The following ARHGEF38 variants were observed in gnomAD, a reference collection of about 807,000 sequenced individuals.
ARHGEF38 encodes the protein Rho guanine nucleotide exchange factor 38.
In ARHGEF38, 79 loss-of-function variants were observed where a neutral mutation model predicts 79.9. The observed-to-expected ratio is 0.99, with a 90% CI of 0.82 to 1.19. ARHGEF38 has a LOEUF of 1.19. Among genes scored for constraint, ARHGEF38 ranks in the 50% most tolerant of loss-of-function variants. The pLI, the probability that ARHGEF38 is intolerant of heterozygous loss-of-function variation, is 0.00. For missense variants in ARHGEF38, 962 were observed against 907.2 expected, an observed-to-expected ratio of 1.06 and a Z score of -0.78; for synonymous variants, 366 against 328.3, an observed-to-expected ratio of 1.11 and a Z score of -1.24.
chr4:105,607,010 T>C (rs879914210), intron 2 of ARHGEF38, among the ~76,000 whole-genome samples: 4 of 152,128 alleles, frequency 2.6e-5, no homozygotes, highest in Admixed American at 2.6e-4. Flanking sequence ...GTTCCTAGAC[T>C]TCTTTACAGT....
intron 13 of ARHGEF38, among the ~76,000 whole-genome samples, chr4:105,670,467 A>G (rs1052908080): frequency 1.3e-5 from 2 of 151,890 alleles, no homozygotes. Context: ...ATATTTGCCT[A>G]TTTAAAAAAA....
At chr4:105,554,259 T>G (rs1360074840) in intron 1 of ARHGEF38, among the ~76,000 whole-genome samples, 1 of 152,176 alleles carries the variant, frequency 6.6e-6, no homozygotes, top group East Asian at 1.9e-4. Flanking sequence ...TACTTGCGTA[T>G]TTTGTGTGAT....
At chr4:105,585,841 CCTGCCTT>C (rs1240814294) in intron 1 of ARHGEF38, among the ~76,000 whole-genome samples, 7 of 137,628 alleles carry the variant, frequency 5.1e-5, no homozygotes. Flanking sequence ...AAGTGATTCT[CCTGCCTT>C]AGCCTCCCAA....
chr4:105,645,091 G>A (rs1316317518), intron 5 of ARHGEF38, 97 bp from the exon 6 acceptor site: 1 of 942,834 alleles, frequency 1.1e-6, no homozygotes, highest in Non-Finnish European at 1.4e-6. Context: ...GAAAAAAAGA[G>A]AAAATGTTTT....
Position 105,653,748 on chromosome 4 carries a change from G to A in ARHGEF38, c.1009-317G>A, listed in dbSNP as rs529987268. On this transcript the variant is annotated intron_variant, in intron 7 of 13. Transcript: ENST00000420470. ...AACCCAAAAATGTAATATGGTTTGC[G>A]TACATACATAATATATGCCATTAAA... Among the ~76,000 whole-genome samples, 6 of 152,278 alleles carry A rather than the reference G, an allele frequency of 3.9e-5. No individual in the cohort carries two copies. In the East Asian group the frequency reaches 5.8e-4, roughly 15 times the overall value.
intron 5 of ARHGEF38, among the ~76,000 whole-genome samples, chr4:105,642,715 A>C (rs1729671627): frequency 6.6e-6 from 1 of 152,206 alleles, no homozygotes; most frequent in South Asian, 2.1e-4. Context: ...AGACGGCTGC[A>C]CATCTGGGTT....
intron 2 of ARHGEF38, among the ~76,000 whole-genome samples, chr4:105,606,514 GTTTA>G (rs1728047492): frequency 6.6e-6 from 1 of 151,988 alleles, no homozygotes; most frequent in Admixed American, 6.6e-5. Context: ...AAAAAGCAAT[GTTTA>G]TTTGTTAATA....
chr4:105,679,883 C>A lies in ARHGEF38; in HGVS notation c.*1946C>A. Reference sequence around the variant, plus strand: ...CAGGTCAACTACAGGAATGTCCAAACCACGAGGAGCCACATTGGTTGCCAC... The same window carrying A: ...CAGGTCAACTACAGGAATGTCCAAAACACGAGGAGCCACATTGGTTGCCAC... On this transcript the variant is annotated 3_prime_UTR_variant, in exon 14 of 14. Transcript: ENST00000420470. 1 of 1,431,154 alleles carries A rather than the reference C, an allele frequency of 7.0e-7. No individual in the cohort carries two copies. Among genetic ancestry groups the A allele is most frequent in the Admixed American group, 1.7e-5 (1 of 59,144 alleles). The allele number at this position is 1,431,154 out of a possible 1,614,324, so 88.7% of individuals were successfully genotyped here.
rs188389971 is a variant in ARHGEF38 at position 105,655,926 on chromosome 4, T to G, written c.1233+204T>G. The stretch of plus-strand genomic sequence containing the variant: ...AGTGAGGATTTTACTATGATGGAAA[T>G]TTAAGAGGACCACAGATTGTGTTTC... On this transcript the variant is annotated intron_variant, in intron 9 of 13. Transcript: ENST00000420470. Among the ~76,000 whole-genome samples the G allele has an allele frequency of 2.4e-4, 36 of 152,344 alleles. No homozygotes were observed. The East Asian group carries it at 6.9e-3, about 29-fold the overall frequency.
At chr4:105,593,286 C>T (rs552559771) in intron 2 of ARHGEF38, among the ~76,000 whole-genome samples, 1 of 152,110 alleles carries the variant, frequency 6.6e-6, no homozygotes, top group East Asian at 1.9e-4. Flanking sequence ...CCTGTAATCC[C>T]AGCACTTTGG....
chr4:105,619,608 G>C (rs1728657441), intron 3 of ARHGEF38, among the ~76,000 whole-genome samples: 1 of 152,022 alleles, frequency 6.6e-6, no homozygotes, highest in Admixed American at 6.6e-5. Flanking sequence ...AGTGGTTTTT[G>C]AGCTTGCACT....
chr4:105,556,769 G>A (rs1197383452), intron 1 of ARHGEF38, among the ~76,000 whole-genome samples: 1 of 152,082 alleles, frequency 6.6e-6, no homozygotes, highest in Non-Finnish European at 1.5e-5. Context: ...GCCCAAGCAG[G>A]AAACTGGTGT....
At chr4:105,572,294 A>G (rs1438359637) in intron 1 of ARHGEF38, among the ~76,000 whole-genome samples, 2 of 152,150 alleles carry the variant, frequency 1.3e-5, no homozygotes, top group Non-Finnish European at 2.9e-5. Flanking sequence ...ATATTTTAGT[A>G]TGCCCAGGAA....
At chr4:105,592,558 A>C (rs1250841389) in intron 2 of ARHGEF38, among the ~76,000 whole-genome samples, 1 of 151,738 alleles carries the variant, frequency 6.6e-6, no homozygotes, top group Non-Finnish European at 1.5e-5. Flanking sequence ...CTTTCTTTCC[A>C]TTTACTTCCC....
intron 10 of ARHGEF38, among the ~76,000 whole-genome samples, chr4:105,660,660 G>A (rs1270841026): frequency 3.3e-5 from 5 of 151,966 alleles, no homozygotes; most frequent in East Asian, 1.9e-4. Flanking sequence ...GGCTGGTCTC[G>A]AACTTCTGAC....
chr4:105,654,148 A>T lies in ARHGEF38; in HGVS notation c.1092A>T (p.Ser364=), dbSNP rs1007854039. The T allele has an allele frequency of 6.6e-7, 1 of 1,510,632 alleles. No individual in the cohort carries two copies. The highest frequency in any genetic ancestry group is 2.5e-5 in the East Asian group (1 of 40,550). The allele number at this position is 1,510,632 out of a possible 1,614,324, so 93.6% of individuals were successfully genotyped here. The part of the protein sequence containing the change: ...KTVRLCVKNI[S]LCLQHIQDAM... ...TGAGGCTTTGTGTGAAGAACATTTCACTCTGTCTTCAACACATACAGGTAG... is the reference window on the plus strand; with the variant it reads ...TGAGGCTTTGTGTGAAGAACATTTCTCTCTGTCTTCAACACATACAGGTAG... The change falls in exon 8 of 14, where the codon TCA becomes TCT. Residue 364 remains serine (S), a synonymous_variant. Coordinates refer to ENST00000420470, the MANE Select transcript of ARHGEF38 (RefSeq NM_001242729.2).
chr4:105,620,221 CTT>C (rs1273191289), intron 3 of ARHGEF38, among the ~76,000 whole-genome samples: 1 of 152,126 alleles, frequency 6.6e-6, no homozygotes, highest in Non-Finnish European at 1.5e-5. Context: ...AAATGTGGCT[CTT>C]GTTTCCACTT....
chr4:105,652,458 G>A lies in ARHGEF38; in HGVS notation c.1009-1607G>A, dbSNP rs551289716. ...AGCAATTAATTTTCTACAGTGGGAA[G>A]AATAGGAGAAAAGGGAGGATTTATA... On this transcript the variant is annotated intron_variant, in intron 7 of 13. Coordinates refer to ENST00000420470, the MANE Select transcript of ARHGEF38 (RefSeq NM_001242729.2). Among the ~76,000 whole-genome samples the A allele has an allele frequency of 3.9e-5, 6 of 152,302 alleles. No homozygotes were observed. The East Asian group carries it at 1.2e-3, about 29-fold the overall frequency.
chr4:105,630,536 C>G (rs1054359454), intron 3 of ARHGEF38, among the ~76,000 whole-genome samples: 1 of 152,216 alleles, frequency 6.6e-6, no homozygotes, highest in Non-Finnish European at 1.5e-5. Context: ...GCCACTGCAC[C>G]TGGCCACACT....
Sources: allele counts gnomAD v4.1 joint callset (sites outside exome capture counted in the v4.1 genomes callset), GRCh38; gene constraint gnomAD v4.1.1; transcripts MANE v1.5; gene names NCBI Gene and HGNC (gene_info 2026-07-23, HGNC 2026-07-21).